Variants in CASK observed in about 807,000 individuals in gnomAD.
CASK encodes peripheral plasma membrane protein CASK.
A neutral mutation model predicts 82.9 loss-of-function variants in CASK; 4 were observed. That is an observed-to-expected ratio of 0.05 (90% CI 0.02 to 0.11). The LOEUF is 0.11. Ranked by LOEUF, CASK falls within the 10% of genes least tolerant of loss-of-function variation. CASK has a pLI of 1.00. For missense variants in CASK, 358 were observed against 720.9 expected, an observed-to-expected ratio of 0.50 and a Z score of 5.76; for synonymous variants, 259 against 253.5, an observed-to-expected ratio of 1.02 and a Z score of -0.20.
At chrX:41,676,003 A>T in intron 5 of CASK, 1 of 1,207,917 alleles carries the variant, frequency 8.3e-7, no homozygotes, top group East Asian at 3.0e-5. Flanking sequence ...GTCTGATAGG[A>T]TGTGTTGGTT....
At chrX:41,550,556 A>AT (rs957362812) in intron 21 of CASK, among the ~76,000 whole-genome samples, 3 of 109,734 alleles carry the variant, frequency 2.7e-5, no homozygotes, top group Admixed American at 9.8e-5. Context: ...TGTCATTAAC[A>AT]TTTTTTTTCT....
At chrX:41,825,720 T>C (rs2070650006) in intron 2 of CASK, among the ~76,000 whole-genome samples, 1 of 111,670 alleles carries the variant, frequency 9.0e-6, no homozygotes, top group Admixed American at 9.5e-5. Flanking sequence ...TTCAGATAAT[T>C]TTATAGACAT....
At chrX:41,718,617 T>C (rs1307814942) in intron 5 of CASK, among the ~76,000 whole-genome samples, 2 of 112,612 alleles carry the variant, frequency 1.8e-5, no homozygotes, top group Non-Finnish European at 3.8e-5. Flanking sequence ...TAGACTCTTG[T>C]TGAATGAGAG....
chrX:41,806,347 T>C (rs2070125517), intron 2 of CASK, among the ~76,000 whole-genome samples: 1 of 112,267 alleles, frequency 8.9e-6, no homozygotes, highest in Admixed American at 9.4e-5. Context: ...TAAATACTAC[T>C]GAAATGACAT....
intron 22 of CASK, among the ~76,000 whole-genome samples, chrX:41,541,526 A>G (rs1171009519): frequency 8.9e-6 from 1 of 112,672 alleles, no homozygotes; most frequent in Non-Finnish European, 1.9e-5. Flanking sequence ...TTTTGGAAAT[A>G]AAAATGTGGT....
chrX:41,616,852 G>C (rs897224831), intron 11 of CASK, among the ~76,000 whole-genome samples: 2 of 111,763 alleles, frequency 1.8e-5, no homozygotes, highest in Non-Finnish European at 3.8e-5. Flanking sequence ...CGAGTGATCC[G>C]CCTGCCTAGG....
At chrX:41,808,712 C>T (rs1279575048) in intron 2 of CASK, among the ~76,000 whole-genome samples, 7 of 112,125 alleles carry the variant, frequency 6.2e-5, no homozygotes, top group Non-Finnish European at 1.1e-4. Context: ...TGGGGCTTGT[C>T]GGACAGTGGG....
chrX:41,554,679 T>C (rs1042039374), intron 20 of CASK, among the ~76,000 whole-genome samples: 13 of 111,880 alleles, frequency 1.2e-4, no homozygotes, highest in African/African-American at 4.2e-4. Flanking sequence ...AAGGGTTTAT[T>C]ATATGGCAGC....
Position 41,552,198 on chromosome X carries a change from G to A in CASK, c.2039+1521C>T, listed in dbSNP as rs541408768. 4.0e-4 allele frequency among the ~76,000 whole-genome samples: 44 copies of A among 109,304 alleles called. No homozygotes were observed. In the South Asian group the frequency reaches 0.017, roughly 43 times the overall value. The allele number at this position is 109,304 out of a possible 115,157, so 94.9% of individuals were successfully genotyped here. On this transcript the variant is annotated intron_variant, in intron 21 of 26. Coordinates refer to ENST00000378163, the MANE Select transcript of CASK (RefSeq NM_001367721.1). The stretch of plus-strand genomic sequence containing the variant: ...GTGATCTGCCCACCTCGGCGTCCCA[G>A]AGTGCTAGGATTACAGGTGTGAGCC...
intron 5 of CASK, among the ~76,000 whole-genome samples, chrX:41,702,577 C>T (rs1409763305): frequency 9.0e-6 from 1 of 110,501 alleles, no homozygotes; most frequent in African/African-American, 3.3e-5. Context: ...GGGCAGATCA[C>T]GAGGTCAAGA....
intron 3 of CASK, among the ~76,000 whole-genome samples, chrX:41,755,438 C>T (rs1052856881): frequency 9.0e-6 from 1 of 111,648 alleles, no homozygotes; most frequent in Admixed American, 9.5e-5. Context: ...AAACTTTTAA[C>T]ATTTGGAATT....
chrX:41,757,972 G>A (rs2068928220), intron 3 of CASK, among the ~76,000 whole-genome samples: 1 of 112,419 alleles, frequency 8.9e-6, no homozygotes, highest in Non-Finnish European at 1.9e-5. Context: ...AGTCATGTAC[G>A]CATAATCTTT....
At chrX:41,665,112 T>C (rs917680748) in intron 7 of CASK, among the ~76,000 whole-genome samples, 165 bp downstream of exon 7, 1 of 112,586 alleles carries the variant, frequency 8.9e-6, no homozygotes, top group Non-Finnish European at 1.9e-5. Flanking sequence ...AGGCCTATGT[T>C]GCCTACCAAG....
chrX:41,810,405 C>T (rs1569456017), intron 2 of CASK, among the ~76,000 whole-genome samples: 1 of 112,097 alleles, frequency 8.9e-6, no homozygotes, highest in African/African-American at 3.2e-5. Flanking sequence ...ACTCTACAAG[C>T]CAGAAGAGAG....
At chrX:41,867,428 G>C (rs1215787639) in intron 1 of CASK, among the ~76,000 whole-genome samples, 1 of 112,129 alleles carries the variant, frequency 8.9e-6, no homozygotes, top group Non-Finnish European at 1.9e-5. Flanking sequence ...TGATACCTTG[G>C]GGGAGATTTT....
At chrX:41,891,053 A>AT (rs1311302225) in intron 1 of CASK, among the ~76,000 whole-genome samples, 83 of 106,729 alleles carry the variant, frequency 7.8e-4, no homozygotes, top group Admixed American at 3.8e-3. Flanking sequence ...ACACCCAGCT[A>AT]TTTTTTTTTA....
At chrX:41,740,715 A>G (rs947874260) in intron 4 of CASK, among the ~76,000 whole-genome samples, 2 of 112,131 alleles carry the variant, frequency 1.8e-5, no homozygotes, top group African/African-American at 6.5e-5. Flanking sequence ...TTGTTCCTGT[A>G]CTAATCACAG....
At chrX:41,595,525 A>G in intron 12 of CASK, among the ~76,000 whole-genome samples, 1 of 111,900 alleles carries the variant, frequency 8.9e-6, no homozygotes, top group Non-Finnish European at 1.9e-5. Context: ...GGGTTCCCTG[A>G]GCCCAGGATG....
At chrX:41,634,315 A>G (rs987921889) in intron 9 of CASK, among the ~76,000 whole-genome samples, 65 of 112,647 alleles carry the variant, frequency 5.8e-4, no homozygotes, top group African/African-American at 2.0e-3. Context: ...AACATGTTTT[A>G]ACAAGGTGGC....
Sources: allele counts gnomAD v4.1 joint callset (sites outside exome capture counted in the v4.1 genomes callset), GRCh38; gene constraint gnomAD v4.1.1; transcripts MANE v1.5; gene names NCBI Gene and HGNC (gene_info 2026-07-23, HGNC 2026-07-21).